CSMD1: variants seen among roughly 807,000 people sequenced by gnomAD.
CSMD1 encodes the protein CUB and sushi domain-containing protein 1.
Under a neutral mutation model 417.5 loss-of-function variants are expected in CSMD1, and 213 were observed. That is an observed-to-expected ratio of 0.51 (90% CI 0.46 to 0.57). The LOEUF is 0.57. Ranked by LOEUF, CSMD1 falls within the 20% of genes least tolerant of loss-of-function variation. CSMD1 has a pLI of 0.00. For synonymous variants in CSMD1, 2,862 were observed against 1,736.8 expected, an observed-to-expected ratio of 1.65 and a Z score of -16.11; for missense variants, 6,923 against 4,529.7, an observed-to-expected ratio of 1.53 and a Z score of -15.17.
intron 2 of CSMD1, among the ~76,000 whole-genome samples, chr8:4,495,287 A>G (rs1385425733): frequency 1.3e-5 from 2 of 152,150 alleles, no homozygotes; most frequent in Non-Finnish European, 2.9e-5. Context: ...ATACAAAATG[A>G]TTTCTCAGCT....
chr8:4,322,337 A>G (rs10100098), intron 3 of CSMD1, among the ~76,000 whole-genome samples: 28,775 of 152,010 alleles, frequency 0.19, 3,692 homozygotes, highest in African/African-American at 0.36. Context: ...TTTTGCAACA[A>G]TCTGAGCACT....
rs540419006 is a variant in CSMD1 at position 4,387,570 on chromosome 8, CAAAAAA to C, written c.415+32377_415+32382del. 7.3e-4 allele frequency among the ~76,000 whole-genome samples: 27 copies of C among 37,228 alleles called. 1 individual carries two copies. The highest frequency in any genetic ancestry group is 1.8e-3 in the East Asian group (2 of 1,134). The allele number at this position is 37,228 out of a possible 152,430, so 24.4% of individuals were successfully genotyped here. On this transcript the variant is annotated intron_variant, in intron 3 of 69. Transcript: ENST00000635120. ...GAAGAGATGCATAAATCCAAACTGGCAAAAAAAAAAAAAAAAAAAAAAGAGTTGAAT... is the reference window on the plus strand; with the variant it reads ...GAAGAGATGCATAAATCCAAACTGGCAAAAAAAAAAAAAAAAGAGTTGAAT...
At chr8:4,890,707 G>C (rs930693961) in intron 1 of CSMD1, among the ~76,000 whole-genome samples, 1 of 152,046 alleles carries the variant, frequency 6.6e-6, no homozygotes, top group African/African-American at 2.4e-5. Context: ...TGTTCTGCAT[G>C]TTATTAGGTC....
chr8:3,873,082 G>A (rs1052343152), intron 5 of CSMD1, among the ~76,000 whole-genome samples: 2 of 151,872 alleles, frequency 1.3e-5, no homozygotes, highest in Non-Finnish European at 2.9e-5. Flanking sequence ...CAGATAAAAT[G>A]GAACATGTAT....
chr8:3,650,528 C>G (rs924654593), intron 7 of CSMD1, among the ~76,000 whole-genome samples: 1 of 152,190 alleles, frequency 6.6e-6, no homozygotes, highest in African/African-American at 2.4e-5. Context: ...ATTCTCTACT[C>G]AGGCTCCTTT....
intron 49 of CSMD1, among the ~76,000 whole-genome samples, chr8:3,070,283 C>A (rs1004461530): frequency 1.3e-5 from 2 of 152,246 alleles, no homozygotes; most frequent in African/African-American, 4.8e-5. Flanking sequence ...GCTCCACAGC[C>A]TTCTTGAACT....
chr8:4,081,812 A>C (rs1041577852), intron 3 of CSMD1, among the ~76,000 whole-genome samples: 2 of 151,412 alleles, frequency 1.3e-5, no homozygotes, highest in Non-Finnish European at 2.9e-5. Flanking sequence ...GGATCAAATA[A>C]ATTGTTACAA....
intron 3 of CSMD1, among the ~76,000 whole-genome samples, chr8:4,065,582 A>G (rs765344395): frequency 2.0e-5 from 3 of 152,026 alleles, no homozygotes; most frequent in Non-Finnish European, 2.9e-5. Context: ...TAAAAGATGT[A>G]TTCTTGCTCA....
intron 5 of CSMD1, among the ~76,000 whole-genome samples, chr8:3,909,916 G>A (rs546275646): frequency 1.5e-4 from 23 of 152,072 alleles, no homozygotes; most frequent in Non-Finnish European, 3.2e-4. Flanking sequence ...AAAGCTGCTT[G>A]GACTCTAATT....
In CSMD1 at chr8:4,642,595, T is replaced by C. The variant is rs184408744; in HGVS notation, c.86-5037A>G. ...CCTGGATGAAACTGTGCTGTTTCTCTCAGTCCTGGGCTGGGTGGGCATTCT... is the reference window on the plus strand; with the variant it reads ...CCTGGATGAAACTGTGCTGTTTCTCCCAGTCCTGGGCTGGGTGGGCATTCT... On this transcript the variant is annotated intron_variant, in intron 1 of 69. Transcript: ENST00000635120. 3.4e-3 allele frequency among the ~76,000 whole-genome samples: 517 copies of C among 152,306 alleles called. 2 individuals are homozygous for C. Among genetic ancestry groups the C allele is most frequent in the Middle Eastern group, 0.014 (4 of 294 alleles).
At chr8:3,633,593 C>T (rs548898717) in intron 7 of CSMD1, among the ~76,000 whole-genome samples, 1 of 152,230 alleles carries the variant, frequency 6.6e-6, no homozygotes, top group East Asian at 1.9e-4. Context: ...AAATTTTCAT[C>T]TTAATTTGAA....
At chr8:4,166,379 A>C (rs1284645376) in intron 3 of CSMD1, among the ~76,000 whole-genome samples, 1 of 152,238 alleles carries the variant, frequency 6.6e-6, no homozygotes. Context: ...TGGATGCTAA[A>C]GTTCCCACAA....
intron 30 of CSMD1, among the ~76,000 whole-genome samples, chr8:3,206,345 G>GGT (rs1563141814): frequency 7.4e-6 from 1 of 135,764 alleles, no homozygotes; most frequent in African/African-American, 2.8e-5. Flanking sequence ...GTGTGTTTGG[G>GGT]GTGTGTGTGT....
chr8:3,292,548 T>C (rs1803658330), intron 25 of CSMD1, among the ~76,000 whole-genome samples: 1 of 152,222 alleles, frequency 6.6e-6, no homozygotes, highest in Non-Finnish European at 1.5e-5. Flanking sequence ...GAGCTAGCTT[T>C]TCTTGTTGAA....
rs1801057710 is a variant in CSMD1 at position 4,609,545 on chromosome 8, A to G, written c.302+27797T>C. On this transcript the variant is annotated intron_variant, in intron 2 of 69. Transcript: ENST00000635120. The stretch of plus-strand genomic sequence containing the variant: ...AACACTATGCTTTCTTTATTGTACT[A>G]AACACTTTATGTACAAAAGTGAGCA... Among the ~76,000 whole-genome samples, 8 of 152,326 alleles carry G rather than the reference A, an allele frequency of 5.3e-5. No homozygotes were observed. The South Asian group carries it at 6.2e-4, about 12-fold the overall frequency.
chr8:3,681,454 A>T (rs187806999), intron 7 of CSMD1, among the ~76,000 whole-genome samples: 4 of 152,308 alleles, frequency 2.6e-5, no homozygotes, highest in African/African-American at 9.6e-5. Context: ...TTCAAAGAGA[A>T]TAAAATACCT....
intron 8 of CSMD1, among the ~76,000 whole-genome samples, chr8:3,610,721 C>T (rs893433279): frequency 4.0e-5 from 6 of 151,890 alleles, no homozygotes; most frequent in African/African-American, 1.5e-4. Flanking sequence ...CTCTTAACTC[C>T]AATTATAATT....
intron 2 of CSMD1, among the ~76,000 whole-genome samples, chr8:4,535,059 C>A (rs1428724850): frequency 1.3e-5 from 2 of 152,144 alleles, no homozygotes; most frequent in Admixed American, 6.5e-5. Flanking sequence ...CCACGCCTGG[C>A]CAATTTATTT....
At chr8:3,135,702 T>C (rs1818038542) in intron 41 of CSMD1, among the ~76,000 whole-genome samples, 1 of 152,110 alleles carries the variant, frequency 6.6e-6, no homozygotes, top group African/African-American at 2.4e-5. Context: ...GAGTGAAGTC[T>C]GCTGATCACA....
Sources: gnomAD v4.1 joint callset for allele counts (sites outside exome capture counted in the v4.1 genomes callset) on GRCh38, gnomAD v4.1.1 for gene constraint, MANE v1.5 for transcripts, NCBI Gene and HGNC (gene_info 2026-07-23, HGNC 2026-07-21) for gene names.